SUPT3H: variants seen among roughly 807,000 people sequenced by gnomAD.
SUPT3H encodes the protein SPT3 homolog, SAGA and STAGA complex component.
In SUPT3H, 44 loss-of-function variants were observed where a neutral mutation model predicts 44.3. The observed-to-expected ratio is 0.99, with a 90% CI of 0.78 to 1.28. The LOEUF is 1.28. Among genes scored for constraint, SUPT3H ranks in the 50% most tolerant of loss-of-function variants. The pLI, the probability that SUPT3H is intolerant of heterozygous loss-of-function variation, is 0.00. For missense variants in SUPT3H, 380 were observed against 387.1 expected (o/e 0.98, Z 0.15); for synonymous variants, 124 against 125.6 (o/e 0.99, Z 0.09).
chr6:45,336,125 C>A (rs1205962220), intron 2 of SUPT3H, among the ~76,000 whole-genome samples: 4 of 151,234 alleles, frequency 2.6e-5, no homozygotes, highest in African/African-American at 7.3e-5. Flanking sequence ...TCTATTCTCC[C>A]AGTTTTCAAA....
At chr6:44,967,851 A>G (rs1367577468) in intron 6 of SUPT3H, among the ~76,000 whole-genome samples, 5 of 152,014 alleles carry the variant, frequency 3.3e-5, no homozygotes, top group African/African-American at 9.7e-5. Context: ...GTGCAGTGAC[A>G]CCATCATGGC....
chr6:45,290,705 C>A (rs1270341726), intron 2 of SUPT3H, among the ~76,000 whole-genome samples: 1 of 152,128 alleles, frequency 6.6e-6, no homozygotes, highest in Non-Finnish European at 1.5e-5. Flanking sequence ...TCAGGTCTAT[C>A]CAATTCCGAA....
intron 10 of SUPT3H, among the ~76,000 whole-genome samples, chr6:44,847,958 C>CTGTTTTTTTTTTTT (rs1772170191): frequency 1.7e-5 from 1 of 58,350 alleles, no homozygotes; most frequent in African/African-American, 6.9e-5. Context: ...ATCTCTGTGT[C>CTGTTTTTTTTTTTT]TTTTTTTTTT....
chr6:45,141,072 G>C (rs1805096818), intron 2 of SUPT3H, among the ~76,000 whole-genome samples: 1 of 152,096 alleles, frequency 6.6e-6, no homozygotes, highest in Non-Finnish European at 1.5e-5. Context: ...GGGTACAGTG[G>C]CTCATGCCTG....
At chr6:45,307,027 C>G (rs1299446742) in intron 2 of SUPT3H, among the ~76,000 whole-genome samples, 1 of 152,222 alleles carries the variant, frequency 6.6e-6, no homozygotes, top group East Asian at 1.9e-4. Flanking sequence ...ATTGCTAGCA[C>G]AGCTGTCTGA....
At position 45,086,034 on chromosome 6, in the gene SUPT3H, C is replaced by T. The variant is rs763074145; in HGVS notation, c.186+19888G>A. Among the ~76,000 whole-genome samples the T allele has an allele frequency of 9.5e-4, 144 of 152,016 alleles. 1 individual carries two copies. The highest frequency in any genetic ancestry group is 1.6e-3 in the Non-Finnish European group (111 of 67,950). On this transcript the variant is annotated intron_variant, in intron 3 of 10. Coordinates refer to ENST00000371459, the MANE Select transcript of SUPT3H (RefSeq NM_003599.4). ...AAAATTACATTTGGAAAGTCAAACA[C>T]TGAAGGTTGCAGGAGTTCTATCAGA... is the stretch of plus-strand genomic sequence containing the variant.
At chr6:44,832,548 A>AT (rs1561851348) in intron 10 of SUPT3H, among the ~76,000 whole-genome samples, 1 of 152,186 alleles carries the variant, frequency 6.6e-6, no homozygotes, top group Non-Finnish European at 1.5e-5. Context: ...TTCTGGTTTA[A>AT]TAAAGCTCTG....
intron 2 of SUPT3H, among the ~76,000 whole-genome samples, chr6:45,271,584 C>A (rs925708635): frequency 1.3e-5 from 2 of 152,174 alleles, no homozygotes; most frequent in African/African-American, 2.4e-5. Context: ...TGGATACCCA[C>A]GCTGAAGTTT....
chr6:45,140,066 G>A (rs1467080101), intron 2 of SUPT3H, among the ~76,000 whole-genome samples: 1 of 152,044 alleles, frequency 6.6e-6, no homozygotes, highest in Admixed American at 6.6e-5. Flanking sequence ...GGAACTTCAT[G>A]GGAGCTGGGT....
In SUPT3H at chr6:45,004,506, C is replaced by A. The variant is rs1367141959; in HGVS notation, c.365-714G>T. 2.0e-5 allele frequency among the ~76,000 whole-genome samples: 3 copies of A among 151,846 alleles called. No individual in the cohort carries two copies. The East Asian group carries it at 5.8e-4, about 29-fold the overall frequency. ...TCATCTTAGGTCCATAGATCTTTTT[C>A]TTCATTTTTATCATTTCTTTTAAAT... On this transcript the variant is annotated intron_variant, in intron 5 of 10. Coordinates refer to ENST00000371459, the MANE Select transcript of SUPT3H (RefSeq NM_003599.4).
At chr6:45,200,756 AT>A (rs200408396) in intron 2 of SUPT3H, among the ~76,000 whole-genome samples, 4 of 150,948 alleles carry the variant, frequency 2.6e-5, no homozygotes, top group Non-Finnish European at 5.9e-5. Context: ...GTAATATAAG[AT>A]TTTTTTTTAA....
intron 2 of SUPT3H, among the ~76,000 whole-genome samples, chr6:45,166,583 C>CAAAAAAA (rs3054765): frequency 1.0e-5 from 1 of 96,558 alleles, no homozygotes; most frequent in East Asian, 2.9e-4. Flanking sequence ...AGACTCCATC[C>CAAAAAAA]AAAAAAAAAA....
intron 2 of SUPT3H, among the ~76,000 whole-genome samples, chr6:45,292,512 G>A (rs956258902): frequency 2.6e-5 from 4 of 151,936 alleles, no homozygotes; most frequent in Admixed American, 2.0e-4. Flanking sequence ...TGGCCTAAAT[G>A]TTCCACTTAG....
At chr6:44,855,757 AGAG>A (rs1245096648) in intron 10 of SUPT3H, among the ~76,000 whole-genome samples, 1 of 151,680 alleles carries the variant, frequency 6.6e-6, no homozygotes, top group Non-Finnish European at 1.5e-5. Context: ...CCTGACAATC[AGAG>A]ACACTTTTGA....
At chr6:45,185,260 G>C (rs1198121136) in intron 2 of SUPT3H, among the ~76,000 whole-genome samples, 1 of 152,104 alleles carries the variant, frequency 6.6e-6, no homozygotes, top group African/African-American at 2.4e-5. Flanking sequence ...GTTGTTAGTG[G>C]GACGCAGGAA....
chr6:44,980,203 A>G lies in SUPT3H; in HGVS notation c.505-18375T>C, dbSNP rs376848763. Among the ~76,000 whole-genome samples, 60 of 152,052 alleles carry G rather than the reference A, an allele frequency of 3.9e-4. 1 individual carries two copies. The East Asian group carries it at 8.1e-3, about 21-fold the overall frequency. Reference sequence around the variant, plus strand: ...AAAGCTCCAGCCTTGAATCTGCATAAAATAGACAAATGCAGAAAGGGTAGG... The same window carrying G: ...AAAGCTCCAGCCTTGAATCTGCATAGAATAGACAAATGCAGAAAGGGTAGG... On this transcript the variant is annotated intron_variant, in intron 6 of 10. Coordinates refer to ENST00000371459, the MANE Select transcript of SUPT3H (RefSeq NM_003599.4).
intron 2 of SUPT3H, among the ~76,000 whole-genome samples, chr6:45,284,160 A>C (rs968802799): frequency 6.6e-6 from 1 of 152,190 alleles, no homozygotes; most frequent in African/African-American, 2.4e-5. Flanking sequence ...TAAAATTGAC[A>C]CCCTAACATC....
chr6:44,867,452 C>G (rs931468085), intron 10 of SUPT3H, among the ~76,000 whole-genome samples: 3 of 152,148 alleles, frequency 2.0e-5, no homozygotes, highest in Admixed American at 6.5e-5. Flanking sequence ...AATATTCAAT[C>G]TTCAATTCAG....
intron 2 of SUPT3H, among the ~76,000 whole-genome samples, chr6:45,290,072 G>T (rs1376896322): frequency 6.6e-6 from 1 of 151,976 alleles, no homozygotes; most frequent in Non-Finnish European, 1.5e-5. Flanking sequence ...CCCAGCTACT[G>T]ACAAGCCTGA....
Sources: gnomAD v4.1 joint callset for allele counts (sites outside exome capture counted in the v4.1 genomes callset) on GRCh38, gnomAD v4.1.1 for gene constraint, MANE v1.5 for transcripts, NCBI Gene and HGNC (gene_info 2026-07-23, HGNC 2026-07-21) for gene names.